The following ARHGAP6 variants were observed in gnomAD, a reference collection of about 807,000 sequenced individuals.
ARHGAP6 encodes the protein Rho GTPase activating protein 6.
Under a neutral mutation model 55.7 loss-of-function variants are expected in ARHGAP6, and 16 were observed. The observed-to-expected ratio is 0.29, with a 90% confidence interval of 0.19 to 0.44. The LOEUF is 0.44. Ranked by LOEUF, ARHGAP6 falls within the 20% of genes least tolerant of loss-of-function variation. ARHGAP6 has a pLI of 1.00. For synonymous variants in ARHGAP6, 382 were observed against 360.9 expected (o/e 1.06, Z -0.66); for missense variants, 698 against 808.9 (o/e 0.86, Z 1.66).
At chrX:11,222,390 T>A (rs2046984957) in intron 2 of ARHGAP6, among the ~76,000 whole-genome samples, 1 of 112,033 alleles carries the variant, frequency 8.9e-6, no homozygotes, top group Admixed American at 9.5e-5. Flanking sequence ...AGCTGCCTAA[T>A]ACATCGACCA....
At chrX:11,661,285 G>A (rs1448507615) in intron 1 of ARHGAP6, among the ~76,000 whole-genome samples, 6 of 112,297 alleles carry the variant, frequency 5.3e-5, no homozygotes, top group South Asian at 3.7e-4. Context: ...GTGTTACCAC[G>A]TACCATTTAC....
chrX:11,489,262 T>C (rs1320847185), intron 1 of ARHGAP6, among the ~76,000 whole-genome samples: 1 of 111,954 alleles, frequency 8.9e-6, no homozygotes, highest in Non-Finnish European at 1.9e-5. Context: ...AAGCTCTGAA[T>C]AGCTGCTGAG....
chrX:11,497,009 T>C (rs1051757575), intron 1 of ARHGAP6, among the ~76,000 whole-genome samples: 2 of 111,763 alleles, frequency 1.8e-5, no homozygotes, highest in Non-Finnish European at 3.8e-5. Context: ...TGAAATTCTG[T>C]TTATTTTCTC....
chrX:11,343,529 A>C (rs1246976010), intron 1 of ARHGAP6, among the ~76,000 whole-genome samples: 1 of 112,356 alleles, frequency 8.9e-6, no homozygotes, highest in African/African-American at 3.2e-5. Context: ...CCCCAGGGTT[A>C]ATATTCATTT....
intron 1 of ARHGAP6, among the ~76,000 whole-genome samples, chrX:11,256,668 A>C (rs2047498384): frequency 1.8e-5 from 2 of 112,124 alleles, no homozygotes. Flanking sequence ...GATAACTGCT[A>C]GGAAGGAGAA....
chrX:11,467,601 G>C (rs934171675), intron 1 of ARHGAP6, among the ~76,000 whole-genome samples: 3 of 111,667 alleles, frequency 2.7e-5, no homozygotes, highest in African/African-American at 9.8e-5. Context: ...GCAACACTGA[G>C]GCTGAAACTC....
chrX:11,488,856 C>T (rs902975300), intron 1 of ARHGAP6, among the ~76,000 whole-genome samples: 1 of 111,844 alleles, frequency 8.9e-6, no homozygotes, highest in African/African-American at 3.3e-5. Context: ...TTGTCTTCCA[C>T]AAAACAGGTT....
At chrX:11,490,803 G>A (rs766348908) in intron 1 of ARHGAP6, among the ~76,000 whole-genome samples, 1 of 112,112 alleles carries the variant, frequency 8.9e-6, no homozygotes, top group African/African-American at 3.2e-5. Flanking sequence ...GGAGGTAGGA[G>A]GAAACCATGC....
At chrX:11,520,821 C>G (rs761639949) in intron 1 of ARHGAP6, among the ~76,000 whole-genome samples, 55 of 111,748 alleles carry the variant, frequency 4.9e-4, no homozygotes, top group African/African-American at 1.7e-3. Flanking sequence ...TCTCCAGCAC[C>G]TGTTGTTTCC....
intron 1 of ARHGAP6, among the ~76,000 whole-genome samples, chrX:11,441,664 G>T (rs188320122): frequency 2.9e-3 from 327 of 111,936 alleles, no homozygotes; most frequent in Non-Finnish European, 5.1e-3. Flanking sequence ...ATGCCACTTT[G>T]CTTTCTACTG....
intron 2 of ARHGAP6, among the ~76,000 whole-genome samples, chrX:11,202,847 G>A (rs1391519680): frequency 1.1e-5 from 1 of 93,626 alleles, no homozygotes; most frequent in African/African-American, 4.0e-5. Flanking sequence ...CTGAGTAAAT[G>A]TGTGAACATA....
At chrX:11,617,589 AG>A (rs746328152) in intron 1 of ARHGAP6, among the ~76,000 whole-genome samples, 4 of 111,801 alleles carry the variant, frequency 3.6e-5, no homozygotes, top group Non-Finnish European at 7.5e-5. Context: ...TGGATTATCT[AG>A]GTAGGCTCAA....
At chrX:11,330,533 C>T (rs2048550820) in intron 1 of ARHGAP6, among the ~76,000 whole-genome samples, 1 of 111,350 alleles carries the variant, frequency 9.0e-6, no homozygotes, top group Admixed American at 9.6e-5. Context: ...ATCTCCTTGG[C>T]GTCTCTGAGG....
intron 1 of ARHGAP6, among the ~76,000 whole-genome samples, chrX:11,365,038 T>C (rs2049058389): frequency 9.0e-6 from 1 of 111,532 alleles, no homozygotes; most frequent in African/African-American, 3.3e-5. Context: ...TGTCACAGCA[T>C]GTGGCCCAAT....
intron 1 of ARHGAP6, among the ~76,000 whole-genome samples, chrX:11,578,330 T>C (rs2051626111): frequency 8.9e-6 from 1 of 111,898 alleles, no homozygotes; most frequent in Non-Finnish European, 1.9e-5. Context: ...AGGATCTCTT[T>C]TGCTTTCATG....
intron 1 of ARHGAP6, among the ~76,000 whole-genome samples, chrX:11,356,978 G>A (rs1489181118): frequency 9.0e-6 from 1 of 111,613 alleles, no homozygotes; most frequent in Non-Finnish European, 1.9e-5. Flanking sequence ...AATTAATGGA[G>A]GGAGTGCATT....
chrX:11,438,380 T>G (rs770107869), intron 1 of ARHGAP6, among the ~76,000 whole-genome samples: 82 of 112,801 alleles, frequency 7.3e-4, no homozygotes, highest in Admixed American at 3.9e-3. Context: ...ACGTTCAAAT[T>G]TCACTGTTTC....
chrX:11,527,869 A>G (rs927769509), intron 1 of ARHGAP6, among the ~76,000 whole-genome samples: 6 of 112,475 alleles, frequency 5.3e-5, no homozygotes, highest in Non-Finnish European at 9.4e-5. Flanking sequence ...ATTTTGCATT[A>G]TGGTCTTTTC....
chrX:11,363,973 C>G (rs1347114863), intron 1 of ARHGAP6, among the ~76,000 whole-genome samples: 1 of 111,846 alleles, frequency 8.9e-6, no homozygotes, highest in Non-Finnish European at 1.9e-5. Context: ...CAACAGTAGA[C>G]TGGATAAAGA....
Sources: gnomAD v4.1 joint callset for allele counts (sites outside exome capture counted in the v4.1 genomes callset) on GRCh38, gnomAD v4.1.1 for gene constraint, MANE v1.5 for transcripts, NCBI Gene and HGNC (gene_info 2026-07-23, HGNC 2026-07-21) for gene names.